The following SHTN1 variants were observed in gnomAD, a reference collection of about 807,000 sequenced individuals.
The protein encoded by SHTN1 is shootin-1.
Under a neutral mutation model 83.1 loss-of-function variants are expected in SHTN1, and 42 were observed. The observed-to-expected ratio is 0.51, with a 90% CI of 0.39 to 0.65. The LOEUF (loss-of-function observed/expected upper bound fraction) is 0.65. Ranked by LOEUF, SHTN1 falls within the 30% of genes least tolerant of loss-of-function variation. SHTN1 has a pLI of 0.00. For synonymous variants in SHTN1, 224 were observed against 247.7 expected, an observed-to-expected ratio of 0.90 and a Z score of 0.90; for missense variants, 622 against 737.8, an observed-to-expected ratio of 0.84 and a Z score of 1.82.
intron 1 of SHTN1, among the ~76,000 whole-genome samples, chr10:117,114,279 A>T (rs910069160): frequency 2.6e-5 from 4 of 152,208 alleles, no homozygotes; most frequent in Non-Finnish European, 5.9e-5. Flanking sequence ...GAATATCATT[A>T]ATTTATTTAG....
At chr10:117,107,652 G>A (rs889637311) in intron 1 of SHTN1, among the ~76,000 whole-genome samples, 3 of 152,176 alleles carry the variant, frequency 2.0e-5, no homozygotes, top group African/African-American at 7.2e-5. Flanking sequence ...GTGTTTGATA[G>A]CAGCAGTGAC....
intron 11 of SHTN1, among the ~76,000 whole-genome samples, chr10:116,923,916 T>C (rs1306563689): frequency 6.6e-6 from 1 of 152,172 alleles, no homozygotes; most frequent in Non-Finnish European, 1.5e-5. Context: ...TTGCTTATAT[T>C]ATTAATCCCC....
intron 1 of SHTN1, among the ~76,000 whole-genome samples, chr10:117,088,748 TTG>T (rs1403718898): frequency 1.3e-5 from 2 of 152,228 alleles, no homozygotes; most frequent in Non-Finnish European, 2.9e-5. Context: ...GCATTGCTAC[TTG>T]TGGCTCTGGA....
intron 1 of SHTN1, among the ~76,000 whole-genome samples, chr10:117,099,009 T>TATACACAC (rs1554939110): frequency 1.4e-5 from 2 of 141,030 alleles, no homozygotes; most frequent in Admixed American, 7.2e-5. Flanking sequence ...GTGGTATGTA[T>TATACACAC]ACACACACAC....
At chr10:116,948,847 T>C in intron 7 of SHTN1, 69 bp downstream of exon 7, 2 of 1,084,208 alleles carry the variant, frequency 1.8e-6, no homozygotes, top group East Asian at 5.9e-5. Context: ...AGGTGTAAAA[T>C]GACACACAAT....
At chr10:116,994,101 A>G (rs1487184905) in intron 1 of SHTN1, among the ~76,000 whole-genome samples, 1 of 152,136 alleles carries the variant, frequency 6.6e-6, no homozygotes, top group Non-Finnish European at 1.5e-5. Flanking sequence ...ATATGTAATT[A>G]AGGCTACTAG....
At chr10:117,003,733 G>A (rs922221448) in intron 1 of SHTN1, among the ~76,000 whole-genome samples, 3 of 152,084 alleles carry the variant, frequency 2.0e-5, no homozygotes, top group Admixed American at 6.5e-5. Context: ...TGGGCCAAGA[G>A]AAGTGAAAGA....
intron 7 of SHTN1, among the ~76,000 whole-genome samples, chr10:116,948,464 T>C (rs1319871028): frequency 6.6e-6 from 1 of 152,226 alleles, no homozygotes; most frequent in Non-Finnish European, 1.5e-5. Context: ...ATGCACTTTG[T>C]ATACCAATCT....
At chr10:116,922,897 C>T (rs769260738) in intron 11 of SHTN1, among the ~76,000 whole-genome samples, 1 of 151,434 alleles carries the variant, frequency 6.6e-6, no homozygotes, top group African/African-American at 2.4e-5. Context: ...ACCTGGGAGG[C>T]GGAAGTTGCA....
intron 1 of SHTN1, among the ~76,000 whole-genome samples, chr10:117,097,187 TG>T (rs1448063290): frequency 6.6e-6 from 1 of 152,254 alleles, no homozygotes; most frequent in African/African-American, 2.4e-5. Context: ...TTTCACTAGT[TG>T]AGACATTTGT....
intron 1 of SHTN1, among the ~76,000 whole-genome samples, chr10:117,092,381 A>C (rs946191172): frequency 1.3e-5 from 2 of 152,226 alleles, no homozygotes; most frequent in Non-Finnish European, 2.9e-5. Flanking sequence ...CTAGATGACC[A>C]AGCTACAACA....
intron 5 of SHTN1, among the ~76,000 whole-genome samples, chr10:116,952,227 C>A (rs1050734452): frequency 6.6e-6 from 1 of 152,168 alleles, no homozygotes; most frequent in Non-Finnish European, 1.5e-5. Context: ...GGCAACCTCA[C>A]TACATTAAAT....
chr10:116,905,251 T>C (rs1318768789), intron 15 of SHTN1, among the ~76,000 whole-genome samples: 3 of 151,028 alleles, frequency 2.0e-5, no homozygotes, highest in African/African-American at 7.3e-5. Context: ...ACATGAGCAC[T>C]TTAAGGCTGA....
intron 14 of SHTN1, chr10:116,911,475 G>A (rs1848191292): frequency 1.3e-6 from 2 of 1,550,228 alleles, no homozygotes. Flanking sequence ...TCATCAACAT[G>A]TACGGACCCT....
chr10:116,969,764 A>AT (rs1359991761), intron 2 of SHTN1, among the ~76,000 whole-genome samples: 2 of 152,128 alleles, frequency 1.3e-5, no homozygotes, highest in Non-Finnish European at 2.9e-5. Flanking sequence ...GCATTAATGA[A>AT]TTTTTTTAAA....
chr10:117,040,356 T>C (rs1852565373), intron 2 of SHTN1, among the ~76,000 whole-genome samples: 1 of 152,154 alleles, frequency 6.6e-6, no homozygotes, highest in Non-Finnish European at 1.5e-5. Context: ...ATCCAGAAAT[T>C]GATCCATACA....
chr10:116,888,889 G>A (rs1847247163), intron 16 of SHTN1, among the ~76,000 whole-genome samples: 1 of 152,222 alleles, frequency 6.6e-6, no homozygotes, highest in East Asian at 1.9e-4. Flanking sequence ...AACAGGTGAG[G>A]AGATTCTAGG....
intron 1 of SHTN1, among the ~76,000 whole-genome samples, chr10:117,050,132 T>C (rs1344111657): frequency 6.6e-6 from 1 of 151,826 alleles, no homozygotes; most frequent in Non-Finnish European, 1.5e-5. Flanking sequence ...TTCAAGGCCA[T>C]CCTGGGCAAC....
intron 1 of SHTN1, 42 bp downstream of exon 1, chr10:117,004,980 C>G: frequency 1.3e-6 from 2 of 1,554,364 alleles, no homozygotes; most frequent in East Asian, 2.3e-5. Flanking sequence ...TCCCCGCCCA[C>G]GGGCCGCGGC....
Sources: allele counts gnomAD v4.1 joint callset (sites outside exome capture counted in the v4.1 genomes callset), GRCh38; gene constraint gnomAD v4.1.1; transcripts MANE v1.5; gene names NCBI Gene and HGNC (gene_info 2026-07-23, HGNC 2026-07-21).